Variants in ITGA6 observed in about 807,000 individuals in gnomAD.
ITGA6 encodes integrin alpha-6.
ITGA6 carries 63 observed loss-of-function variants against 133.6 expected under a neutral mutation model. The ratio of observed to expected loss-of-function variants is 0.47; its 90% CI spans 0.38 to 0.58. The LOEUF (loss-of-function observed/expected upper bound fraction) is 0.58. Ranked by LOEUF, ITGA6 falls within the 20% of genes least tolerant of loss-of-function variation. ITGA6 has a pLI of 0.00. For synonymous variants in ITGA6, 434 were observed against 482.0 expected, an observed-to-expected ratio of 0.90 and a Z score of 1.30; for missense variants, 1,068 against 1,309.4, an observed-to-expected ratio of 0.82 and a Z score of 2.85.
chr2:172,486,353 ATTTCTGTATACT>A (rs1231223807), intron 13 of ITGA6, among the ~76,000 whole-genome samples: 4 of 151,958 alleles, frequency 2.6e-5, no homozygotes, highest in African/African-American at 9.7e-5. Context: ...AGTTCCTTAT[ATTTCTGTATACT>A]TTTATGTACT....
rs769035345 is a variant in ITGA6, at chr2:172,479,726, C to T, written c.1474C>T (p.Pro492Ser). ...DLRQKTACGA[P>S]SGICLQVKSC... ...CCGCCAGAAAACAGCGTGTGGGGCG[C>T]CTAGTGGGATATGGTGAGCATCCCT... The change falls in exon 10 of 26, where the codon CCT (proline) becomes TCT (serine). Residue 492 changes from proline to serine, a missense_variant. By Grantham distance (74) the Pro-to-Ser change is moderately conservative (BLOSUM62 -1). Coordinates refer to ENST00000684293, the MANE Select transcript of ITGA6 (RefSeq NM_000210.4). 8.7e-6 allele frequency: 14 copies of T among 1,613,544 alleles called. No homozygotes were observed. In the South Asian group the frequency reaches 9.9e-5, roughly 11 times the overall value.
At chr2:172,436,167 A>G (rs887343629) in intron 1 of ITGA6, among the ~76,000 whole-genome samples, 35 of 152,176 alleles carry the variant, frequency 2.3e-4, no homozygotes, top group Admixed American at 8.5e-4. Flanking sequence ...GCAAAGAGAG[A>G]TGGGTCTGGG....
intron 3 of ITGA6, among the ~76,000 whole-genome samples, chr2:172,468,844 C>T (rs532012377): frequency 5.9e-5 from 9 of 152,192 alleles, no homozygotes; most frequent in African/African-American, 2.2e-4. Context: ...GGTAAATTTA[C>T]AAATAAATTG....
At position 172,487,539 on chromosome 2, in the gene ITGA6, T is replaced by C; in HGVS notation, c.2161-8T>C. 1 of 1,613,962 alleles carries C rather than the reference T, an allele frequency of 6.2e-7. No individual in the cohort carries two copies. ...TGGATTGTGACCTAGCGTGTGTTTC[T>C]TTTACAGGAGAAACAGTTGAGTTGT... On this transcript the variant is annotated splice_polypyrimidine_tract_variant and splice_region_variant and intron_variant, in intron 15 of 25. Transcript: ENST00000684293.
chr2:172,444,702 C>T (rs1044061932), intron 1 of ITGA6, among the ~76,000 whole-genome samples: 2 of 138,650 alleles, frequency 1.4e-5, no homozygotes, highest in African/African-American at 2.6e-5. Flanking sequence ...CCCTGAGTTT[C>T]TTTCTCTACT....
intron 1 of ITGA6, among the ~76,000 whole-genome samples, chr2:172,434,188 G>A (rs1418130075): frequency 1.3e-5 from 2 of 152,214 alleles, no homozygotes; most frequent in African/African-American, 4.8e-5. Flanking sequence ...TGGAAAGTAT[G>A]TGGGCAAATA....
chr2:172,440,974 T>G (rs1328758965), intron 1 of ITGA6, among the ~76,000 whole-genome samples: 1 of 152,168 alleles, frequency 6.6e-6, no homozygotes, highest in African/African-American at 2.4e-5. Flanking sequence ...GAACACCAAT[T>G]GGACTAACAG....
chr2:172,481,535 AT>A (rs1255524201), intron 11 of ITGA6, among the ~76,000 whole-genome samples: 2 of 152,050 alleles, frequency 1.3e-5, no homozygotes, highest in Non-Finnish European at 2.9e-5. Context: ...ACTGTCTTTA[AT>A]TTTTTTTAAG....
At position 172,491,242 on chromosome 2, in the gene ITGA6, TG is replaced by T; in HGVS notation, c.2801del (p.Cys934LeufsTer2). 1 of 1,611,026 alleles carries T rather than the reference TG, an allele frequency of 6.2e-7. No homozygotes were observed. The highest frequency in any genetic ancestry group is 8.5e-7 in the Non-Finnish European group (1 of 1,177,200). ...QTLNCSVNVN[C>X]VNIRCPLRGL... ...CTAGAACTGTAGCGTGAACGTGAAC[TG>T]TGTGAACATCAGATGCCCGCTGCGG... On this transcript the variant is annotated frameshift_variant, in exon 22 of 26. Transcript: ENST00000684293. LOFTEE classifies it high-confidence loss of function. This position sits in a 1 kb window ranked among gnomAD's most constrained non-coding sequence, Gnocchi z 4.4.
intron 25 of ITGA6, among the ~76,000 whole-genome samples, chr2:172,502,837 A>G (rs777167401): frequency 4.6e-5 from 7 of 152,226 alleles, no homozygotes; most frequent in Admixed American, 2.0e-4. Context: ...AATCCTTTCC[A>G]TGGCACTATC....
At chr2:172,462,188 C>G (rs541533366) in intron 1 of ITGA6, among the ~76,000 whole-genome samples, 26 of 152,254 alleles carry the variant, frequency 1.7e-4, no homozygotes, top group Non-Finnish European at 3.5e-4. Flanking sequence ...CGCGGTGGGT[C>G]CCAGGAGACC....
chr2:172,485,077 G>C (rs200866031), intron 12 of ITGA6, 44 bp from the exon 13 acceptor site: 1 of 1,609,044 alleles, frequency 6.2e-7, no homozygotes, highest in Admixed American at 1.7e-5. Context: ...TTCCCCAATA[G>C]CATGTACACC....
In ITGA6 at chr2:172,427,622, G is replaced by A. The variant is rs1013813798; in HGVS notation, c.-167G>A. The A allele has an allele frequency of 7.8e-7, 1 of 1,282,164 alleles. No homozygotes were observed. Among genetic ancestry groups the A allele is most frequent in the African/African-American group, 1.6e-5 (1 of 63,836 alleles). 79.4% of individuals were successfully genotyped at this position (1,282,164 alleles called of 1,614,324 possible). A position where few individuals can be genotyped will look rare whatever the true frequency, so the allele number is the denominator to read the frequency against. ...TCAGCGGTCGCGAGCTGCCCGCGAG[G>A]GGGAGCGGCCGGACGGAGAGCGCGA... On this transcript the variant is annotated 5_prime_UTR_variant, in exon 1 of 26. Coordinates refer to ENST00000684293, the MANE Select transcript of ITGA6 (RefSeq NM_000210.4).
rs1053042412 is a variant in ITGA6 at position 172,485,178 on chromosome 2, G to C, written c.1768G>C (p.Glu590Gln). Residue 590 changes from glutamate (E) to glutamine (Q), a missense_variant, in exon 13 of 26, where the codon GAG becomes CAG. Coordinates refer to ENST00000684293, the MANE Select transcript of ITGA6 (RefSeq NM_000210.4). Reference sequence around the variant, plus strand: ...CATAACTGCCTCAGTGGAGATCCAAGAGCCAAGCTCTCGTAGGCGAGTGAA... The same window carrying C: ...CATAACTGCCTCAGTGGAGATCCAACAGCCAAGCTCTCGTAGGCGAGTGAA... ...IPITASVEIQ[E>Q]PSSRRRVNSL... 1.2e-6 allele frequency: 2 copies of C among 1,613,852 alleles called. No homozygotes were observed. The highest frequency in any genetic ancestry group is 8.5e-7 in the Non-Finnish European group (1 of 1,179,730).
intron 1 of ITGA6, among the ~76,000 whole-genome samples, chr2:172,459,571 GAATT>G (rs1685348370): frequency 6.6e-6 from 1 of 152,154 alleles, no homozygotes; most frequent in South Asian, 2.1e-4. Flanking sequence ...CTGGATACTA[GAATT>G]AATTACAGCA....
intron 1 of ITGA6, among the ~76,000 whole-genome samples, chr2:172,460,259 G>GTT (rs34134342): frequency 0.16 from 24,781 of 152,202 alleles, 2,200 homozygotes; most frequent in Non-Finnish European, 0.2. Context: ...AATAGGTCCT[G>GTT]TAAGTGTAAA....
chr2:172,450,774 G>A (rs1684953765), intron 1 of ITGA6, among the ~76,000 whole-genome samples: 1 of 149,636 alleles, frequency 6.7e-6, no homozygotes, highest in Non-Finnish European at 1.5e-5. Context: ...GGCCAACATG[G>A]CGGAACCCCA....
intron 13 of ITGA6, among the ~76,000 whole-genome samples, chr2:172,485,473 G>A (rs1276649962): frequency 6.6e-6 from 1 of 152,160 alleles, no homozygotes; most frequent in Admixed American, 6.5e-5. Flanking sequence ...GGGCCAGAGC[G>A]TATTTTCCTT....
chr2:172,472,676 TG>T, intron 5 of ITGA6: 1 of 752,756 alleles, frequency 1.3e-6, no homozygotes, highest in Non-Finnish European at 2.3e-6. Flanking sequence ...GATGCAGTGG[TG>T]GCCTCCTCAT....
Sources: allele counts gnomAD v4.1 joint callset (sites outside exome capture counted in the v4.1 genomes callset), GRCh38; gene constraint gnomAD v4.1.1; non-coding constraint Gnocchi (gnomAD v3.1); transcripts MANE v1.5; gene names NCBI Gene and HGNC (gene_info 2026-07-23, HGNC 2026-07-21).